ATP5F1C: variants seen among roughly 807,000 people sequenced by gnomAD.
The protein encoded by ATP5F1C is ATP synthase F(1) complex subunit gamma, mitochondrial.
Under a neutral mutation model 37.4 loss-of-function variants are expected in ATP5F1C, and 22 were observed. The observed-to-expected ratio is 0.59, with a 90% CI of 0.42 to 0.84. ATP5F1C has a LOEUF of 0.84. Among genes scored for constraint, ATP5F1C ranks in the 40% least tolerant of loss-of-function variants. The probability of loss-of-function intolerance (pLI) is 0.00; values close to 1 mark genes in which losing one functional copy is unlikely to be tolerated. For synonymous variants in ATP5F1C, 121 were observed against 128.0 expected (o/e 0.95, Z 0.37); for missense variants, 286 against 362.4 (o/e 0.79, Z 1.71).
At chr10:7,794,200 C>T (rs1448642327) in intron 1 of ATP5F1C, among the ~76,000 whole-genome samples, 1 of 152,190 alleles carries the variant, frequency 6.6e-6, no homozygotes, top group African/African-American at 2.4e-5. Context: ...ATGCAACTAG[C>T]TTTTTATATA....
At chr10:7,798,967 T>G (rs762099936) in intron 3 of ATP5F1C, 23 bp from the exon 4 acceptor site, 2 of 1,603,400 alleles carry the variant, frequency 1.2e-6, no homozygotes, top group Admixed American at 1.7e-5. Context: ...ATAAAAAAAT[T>G]ACTGCTTTTG....
chr10:7,806,870 C>A, intron 8 of ATP5F1C, 104 bp from the exon 9 acceptor site: 1 of 952,812 alleles, frequency 1.0e-6, no homozygotes, highest in Non-Finnish European at 1.7e-6. Context: ...TCAAGTTTAA[C>A]AATTGACTTT....
intron 1 of ATP5F1C, among the ~76,000 whole-genome samples, chr10:7,789,873 GT>G (rs1836133940): frequency 6.6e-6 from 1 of 152,322 alleles, no homozygotes; most frequent in South Asian, 2.1e-4. Flanking sequence ...GTGAAGGATT[GT>G]TTTAAATAAG....
At chr10:7,799,746 T>C (rs1564333046) in intron 4 of ATP5F1C, 26 bp from the exon 5 acceptor site, 1 of 1,609,066 alleles carries the variant, frequency 6.2e-7, no homozygotes, top group Middle Eastern at 1.7e-4. Context: ...TTAAACTAGC[T>C]ATGTGAGCTC....
intron 9 of ATP5F1C, 55 bp downstream of exon 9, chr10:7,807,065 T>C (rs1460449118): frequency 2.0e-6 from 3 of 1,491,824 alleles, no homozygotes; most frequent in Admixed American, 3.7e-5. Flanking sequence ...TATTCAGATA[T>C]AAGTTAAGCT....
chr10:7,806,629 G>C (rs969693314), intron 8 of ATP5F1C, among the ~76,000 whole-genome samples: 1 of 151,262 alleles, frequency 6.6e-6, no homozygotes, highest in Non-Finnish European at 1.5e-5. Context: ...ACTCCAGCCT[G>C]GGCAACAGAA....
chr10:7,802,597 T>C (rs1836391740), intron 7 of ATP5F1C, among the ~76,000 whole-genome samples, 161 bp from the exon 8 acceptor site: 2 of 152,234 alleles, frequency 1.3e-5, no homozygotes, highest in African/African-American at 4.8e-5. Context: ...TGTGAAAAGG[T>C]ATCCTATGGA....
intron 1 of ATP5F1C, among the ~76,000 whole-genome samples, chr10:7,794,505 T>G (rs1333238387): frequency 6.6e-5 from 10 of 151,782 alleles, no homozygotes; most frequent in South Asian, 2.1e-4. Context: ...GTGTTGTTTT[T>G]TTTTTTTTTA....
At position 7,799,108 on chromosome 10, in the gene ATP5F1C, G is replaced by GA. The variant is rs1836300099; in HGVS notation, c.346dup (p.Ser116LysfsTer20). 1 of 1,613,792 alleles carries GA rather than the reference G, an allele frequency of 6.2e-7. No individual in the cohort carries two copies. On this transcript the variant is annotated frameshift_variant, in exon 4 of 10. Transcript: ENST00000356708. LOFTEE classifies it high-confidence loss of function. ...TTCATTCCTCCATTGCTAAACAGAT[G>GA]AAAAGCGAGGTTGCTACACTAACAG... is the stretch of plus-strand genomic sequence containing the variant.
At position 7,788,244 on chromosome 10, in the gene ATP5F1C, T is replaced by G; in HGVS notation, c.37T>G (p.Trp13Gly). Residue 13 changes from tryptophan to glycine, a missense_variant, in exon 1 of 10, where the codon TGG (tryptophan) becomes GGG (glycine). Coordinates refer to ENST00000356708, the MANE Select transcript of ATP5F1C (RefSeq NM_001001973.3). The stretch of plus-strand genomic sequence containing the variant: ...CGCGGGTGTCGCTGGGCTGTCGGCC[T>G]GGACCTTGCAGCCGCAATGGTATGG... ...SRAGVAGLSA[W>G]TLQPQWIQVR... 6.2e-7 allele frequency: 1 copy of G among 1,613,556 alleles called. No homozygotes were observed. The highest frequency in any genetic ancestry group is 8.5e-7 in the Non-Finnish European group (1 of 1,179,904).
At chr10:7,807,158 T>C in intron 9 of ATP5F1C, 148 bp downstream of exon 9, 1 of 646,268 alleles carries the variant, frequency 1.5e-6, no homozygotes, top group Non-Finnish European at 2.5e-6. Context: ...CGGGAGCACC[T>C]GGGCAACGCT....
intron 1 of ATP5F1C, among the ~76,000 whole-genome samples, chr10:7,792,667 C>A (rs1037608103): frequency 6.6e-6 from 1 of 152,148 alleles, no homozygotes; most frequent in Non-Finnish European, 1.5e-5. Flanking sequence ...TTTCTCCATG[C>A]CTTTTTATAA....
chr10:7,797,843 T>C (rs1836270509), intron 3 of ATP5F1C, among the ~76,000 whole-genome samples: 1 of 152,242 alleles, frequency 6.6e-6, no homozygotes. Context: ...ATTTATGTAA[T>C]CCATCCTTAA....
At chr10:7,798,787 TC>T (rs1197537354) in intron 3 of ATP5F1C, among the ~76,000 whole-genome samples, 1 of 152,174 alleles carries the variant, frequency 6.6e-6, no homozygotes, top group African/African-American at 2.4e-5. Context: ...CACCTCGGCC[TC>T]CCAAAGTGCT....
chr10:7,802,735 T>G, intron 7 of ATP5F1C, 23 bp from the exon 8 acceptor site: 1 of 1,599,134 alleles, frequency 6.3e-7, no homozygotes, highest in Non-Finnish European at 8.5e-7. Context: ...ATTTTTTATG[T>G]AGTGTTTTTG....
intron 6 of ATP5F1C, among the ~76,000 whole-genome samples, chr10:7,800,355 C>T (rs1348749456): frequency 6.6e-6 from 1 of 152,008 alleles, no homozygotes; most frequent in African/African-American, 2.4e-5. Context: ...GCCACCAAGC[C>T]TGGCTAATTT....
chr10:7,806,877 CT>C, intron 8 of ATP5F1C, 96 bp from the exon 9 acceptor site: 9 of 1,085,052 alleles, frequency 8.3e-6, no homozygotes, highest in South Asian at 8.1e-5. Flanking sequence ...TAACAATTGA[CT>C]TTTTTTCATT....
chr10:7,791,517 G>A (rs1261766609), intron 1 of ATP5F1C, among the ~76,000 whole-genome samples: 1 of 152,000 alleles, frequency 6.6e-6, no homozygotes, highest in Non-Finnish European at 1.5e-5. Context: ...ATAGTTTCTT[G>A]GAAGGGTGTC....
chr10:7,806,836 T>C, intron 8 of ATP5F1C, 138 bp from the exon 9 acceptor site: 2 of 636,084 alleles, frequency 3.1e-6, no homozygotes, highest in Non-Finnish European at 5.5e-6. Context: ...GTGGTAAGTA[T>C]TTTTGCATGA....
Sources: gnomAD v4.1 joint callset for allele counts (sites outside exome capture counted in the v4.1 genomes callset) on GRCh38, gnomAD v4.1.1 for gene constraint, MANE v1.5 for transcripts, NCBI Gene and HGNC (gene_info 2026-07-23, HGNC 2026-07-21) for gene names.